FOCAD: variants seen among roughly 807,000 people sequenced by gnomAD.
FOCAD encodes the protein KIAA1797.
Under a neutral mutation model 225.6 loss-of-function variants are expected in FOCAD, and 198 were observed. That is an observed-to-expected ratio of 0.88 (90% CI 0.78 to 0.99). FOCAD has a LOEUF of 0.99. Ranked by LOEUF, FOCAD falls within the 50% of genes least tolerant of loss-of-function variation. FOCAD has a pLI of 0.00. For synonymous variants in FOCAD, 897 were observed against 755.0 expected (o/e 1.19, Z -3.08); for missense variants, 2,713 against 2,123.6 (o/e 1.28, Z -5.46).
rs535679038 is a variant in FOCAD at position 20,822,901 on chromosome 9, G to A, written c.1794-88G>A. ...TTAGTGGCACAAGAGTATAGAAAATGATGGATGCTTTTTGTTTAGGCAAAA... is the reference window on the plus strand; with the variant it reads ...TTAGTGGCACAAGAGTATAGAAAATAATGGATGCTTTTTGTTTAGGCAAAA... On this transcript the variant is annotated intron_variant, in intron 14 of 43. Transcript: ENST00000338382. 14 of 1,294,894 alleles carry A rather than the reference G, an allele frequency of 1.1e-5. No individual in the cohort carries two copies. The South Asian group carries it at 2.3e-4, about 21-fold the overall frequency. 80.2% of individuals were successfully genotyped at this position (1,294,894 alleles called of 1,614,324 possible).
At chr9:20,906,038 C>A (rs769027011) in intron 21 of FOCAD, among the ~76,000 whole-genome samples, 1 of 151,314 alleles carries the variant, frequency 6.6e-6, no homozygotes, top group African/African-American at 2.4e-5. Context: ...TATTTGTGTC[C>A]ATTTCTGGGT....
Position 20,809,921 on chromosome 9 carries a change from A to G in FOCAD, c.1456-9875A>G, listed in dbSNP as rs552183398. Reference sequence around the variant, plus strand: ...ATTCTTTTTAGAAATCCTAAAAACCATTGTTTTCTTAATTGCCACTTTCTT... The same window carrying G: ...ATTCTTTTTAGAAATCCTAAAAACCGTTGTTTTCTTAATTGCCACTTTCTT... On this transcript the variant is annotated intron_variant, in intron 11 of 43. Transcript: ENST00000338382. Among the ~76,000 whole-genome samples, 3 of 152,220 alleles carry G rather than the reference A, an allele frequency of 2.0e-5. No homozygotes were observed. The South Asian group carries it at 6.2e-4, about 32-fold the overall frequency.
chr9:20,988,799 C>T (rs555310362), intron 41 of FOCAD, among the ~76,000 whole-genome samples: 8 of 152,182 alleles, frequency 5.3e-5, no homozygotes, highest in Non-Finnish European at 1.2e-4. Context: ...TGGGATTGAT[C>T]CCATAAAGGA....
intron 15 of FOCAD, among the ~76,000 whole-genome samples, chr9:20,845,547 C>G (rs1306257061): frequency 6.7e-6 from 1 of 149,450 alleles, no homozygotes; most frequent in Non-Finnish European, 1.5e-5. Context: ...TAGATTGTTT[C>G]CAATTTTTTA....
chr9:20,719,583 A>T (rs1344562549), intron 3 of FOCAD, among the ~76,000 whole-genome samples: 1 of 152,118 alleles, frequency 6.6e-6, no homozygotes, highest in Admixed American at 6.6e-5. Flanking sequence ...TATTGTTAGT[A>T]GTGAACCATT....
chr9:20,951,781 G>C (rs1837709249), intron 34 of FOCAD, among the ~76,000 whole-genome samples: 1 of 152,146 alleles, frequency 6.6e-6, no homozygotes, highest in Admixed American at 6.5e-5. Flanking sequence ...TCTGGGGAAG[G>C]CATGACCGTT....
Position 20,787,119 on chromosome 9 carries a change from C to A in FOCAD, c.1198-2232C>A, listed in dbSNP as rs115298797. Reference sequence around the variant, plus strand: ...ACAAATAAACAAACAAACTTAAGAGCCTAAACCTGGACATAACAGTTCAAG... The same window carrying A: ...ACAAATAAACAAACAAACTTAAGAGACTAAACCTGGACATAACAGTTCAAG... On this transcript the variant is annotated intron_variant, in intron 10 of 43. Transcript: ENST00000338382. 597 of 231,956 alleles carry A rather than the reference C, an allele frequency of 2.6e-3. 4 individuals are homozygous for A. The highest frequency in any genetic ancestry group is 0.013 in the African/African-American group (569 of 43,490). 14.4% of individuals were successfully genotyped at this position (231,956 alleles called of 1,614,324 possible).
chr9:20,939,597 C>T (rs577511320), intron 28 of FOCAD, among the ~76,000 whole-genome samples: 3 of 152,124 alleles, frequency 2.0e-5, no homozygotes, highest in East Asian at 1.9e-4. Flanking sequence ...TTAAAAATTT[C>T]GTATGTCCAA....
At chr9:20,752,911 C>G (rs531025303) in intron 5 of FOCAD, among the ~76,000 whole-genome samples, 33 of 150,290 alleles carry the variant, frequency 2.2e-4, no homozygotes, top group African/African-American at 8.0e-4. Flanking sequence ...ATTTTATTCT[C>G]TTTGAAGCAA....
At chr9:20,845,896 G>A (rs772169451) in intron 15 of FOCAD, among the ~76,000 whole-genome samples, 3 of 152,092 alleles carry the variant, frequency 2.0e-5, no homozygotes, top group Non-Finnish European at 4.4e-5. Flanking sequence ...CATTATTGAT[G>A]ATTTGGTTGC....
At chr9:20,960,783 G>A (rs1413861752) in intron 35 of FOCAD, among the ~76,000 whole-genome samples, 1 of 138,972 alleles carries the variant, frequency 7.2e-6, no homozygotes, top group Non-Finnish European at 1.5e-5. Context: ...CCCTTCCTGT[G>A]TCCAATGTGT....
intron 28 of FOCAD, among the ~76,000 whole-genome samples, chr9:20,939,340 A>T (rs909369185): frequency 6.6e-6 from 1 of 152,094 alleles, no homozygotes; most frequent in African/African-American, 2.4e-5. Flanking sequence ...ACAACCTAGG[A>T]ATAAGATATT....
At chr9:20,669,564 C>G (rs1201597700) in intron 2 of FOCAD, among the ~76,000 whole-genome samples, 2 of 152,138 alleles carry the variant, frequency 1.3e-5, no homozygotes, top group Non-Finnish European at 2.9e-5. Flanking sequence ...CACTTGAGAT[C>G]AGGAGTTCAA....
At chr9:20,661,126 C>G (rs899506758) in intron 2 of FOCAD, among the ~76,000 whole-genome samples, 1 of 152,182 alleles carries the variant, frequency 6.6e-6, no homozygotes, top group Non-Finnish European at 1.5e-5. Flanking sequence ...GCAATGGCAA[C>G]TGAAAATGAT....
At chr9:20,670,285 C>A (rs1289653987) in intron 2 of FOCAD, among the ~76,000 whole-genome samples, 1 of 152,174 alleles carries the variant, frequency 6.6e-6, no homozygotes, top group African/African-American at 2.4e-5. Context: ...TCCTAATGAT[C>A]AATAAATCCT....
chr9:20,700,726 A>G (rs1415085536), intron 1 of FOCAD, among the ~76,000 whole-genome samples: 1 of 152,246 alleles, frequency 6.6e-6, no homozygotes, highest in East Asian at 1.9e-4. Context: ...AAAAAGATAT[A>G]GATTCCTCTC....
At chr9:20,705,055 C>A (rs1385679297) in intron 1 of FOCAD, among the ~76,000 whole-genome samples, 1 of 152,176 alleles carries the variant, frequency 6.6e-6, no homozygotes, top group African/African-American at 2.4e-5. Context: ...TCTAAATTTT[C>A]TTTGCCTCAG....
chr9:20,761,232 T>C (rs936217713), intron 6 of FOCAD, among the ~76,000 whole-genome samples: 1 of 152,170 alleles, frequency 6.6e-6, no homozygotes, highest in African/African-American at 2.4e-5. Flanking sequence ...GACTTTAACC[T>C]TTCAGGAACT....
At chr9:20,935,994 CATTTT>C (rs1438991858) in intron 28 of FOCAD, among the ~76,000 whole-genome samples, 3 of 152,170 alleles carry the variant, frequency 2.0e-5, no homozygotes, top group African/African-American at 7.2e-5. Flanking sequence ...TAAACACACT[CATTTT>C]ATGAGATATT....
Sources: allele counts gnomAD v4.1 joint callset (sites outside exome capture counted in the v4.1 genomes callset), GRCh38; gene constraint gnomAD v4.1.1; transcripts MANE v1.5; gene names NCBI Gene and HGNC (gene_info 2026-07-23, HGNC 2026-07-21).